Variants in SRFBP1 observed in about 807,000 individuals in gnomAD.
The protein encoded by SRFBP1 is serum response factor-binding protein 1.
SRFBP1 carries 47 observed loss-of-function variants against 45.5 expected under a neutral mutation model. That is an observed-to-expected ratio of 1.03 (90% CI 0.82 to 1.32). The LOEUF (loss-of-function observed/expected upper bound fraction) is 1.32, where lower values mean the gene tolerates loss of function less well. SRFBP1 is among the 40% of genes most tolerant of loss of function. SRFBP1 has a pLI of 0.00. For missense variants in SRFBP1, 621 were observed against 484.6 expected (o/e 1.28, Z -2.64); for synonymous variants, 203 against 166.3 (o/e 1.22, Z -1.70).
intron 3 of SRFBP1, among the ~76,000 whole-genome samples, chr5:121,990,591 G>C (rs1260782327): frequency 6.6e-6 from 1 of 152,062 alleles, no homozygotes; most frequent in Admixed American, 6.6e-5. Context: ...GGAAAAAAAG[G>C]AAATAGACAT....
intron 1 of SRFBP1, among the ~76,000 whole-genome samples, chr5:121,962,480 A>G (rs1751969153): frequency 6.6e-6 from 1 of 152,188 alleles, no homozygotes; most frequent in African/African-American, 2.4e-5. Flanking sequence ...TGAAAGAGAG[A>G]AAGTAAGAGC....
At chr5:121,979,807 C>A (rs1752372794) in intron 3 of SRFBP1, among the ~76,000 whole-genome samples, 1 of 152,122 alleles carries the variant, frequency 6.6e-6, no homozygotes, top group Non-Finnish European at 1.5e-5. Flanking sequence ...TACCTCATAT[C>A]AGAGAGCGTT....
At chr5:122,049,060 G>C (rs963198700) in intron 2 of SRFBP1, among the ~76,000 whole-genome samples, 4 of 151,998 alleles carry the variant, frequency 2.6e-5, no homozygotes, top group African/African-American at 4.8e-5. Flanking sequence ...GTTCTGCTCT[G>C]ATCTTAGTTA....
chr5:122,011,493 T>G (rs1223015806), intron 4 of SRFBP1, among the ~76,000 whole-genome samples: 1 of 152,154 alleles, frequency 6.6e-6, no homozygotes, highest in Non-Finnish European at 1.5e-5. Flanking sequence ...TTGAGATTAC[T>G]TAGTAGCCTT....
chr5:122,017,980 G>A (rs1753222730), intron 4 of SRFBP1, among the ~76,000 whole-genome samples: 1 of 152,108 alleles, frequency 6.6e-6, no homozygotes, highest in Admixed American at 6.5e-5. Flanking sequence ...CTGCTTTGCA[G>A]ATATGAAAAC....
At chr5:121,999,591 C>T (rs1189474941) in intron 4 of SRFBP1, among the ~76,000 whole-genome samples, 2 of 151,874 alleles carry the variant, frequency 1.3e-5, no homozygotes, top group Admixed American at 1.3e-4. Context: ...TCAGCTTTGT[C>T]ACTTTTTGCC....
chr5:121,983,873 C>T (rs551366024), intron 3 of SRFBP1, among the ~76,000 whole-genome samples: 4 of 151,776 alleles, frequency 2.6e-5, no homozygotes, highest in African/African-American at 9.6e-5. Context: ...TTATTGTTCT[C>T]CTGTTCAAGA....
intron 3 of SRFBP1, among the ~76,000 whole-genome samples, chr5:121,983,678 T>G (rs928310021): frequency 1.3e-5 from 2 of 151,738 alleles, no homozygotes; most frequent in African/African-American, 4.8e-5. Context: ...TGAAAATAAT[T>G]TATAGGCGAA....
intron 4 of SRFBP1, among the ~76,000 whole-genome samples, chr5:122,011,397 A>G (rs143441627): frequency 8.7e-4 from 133 of 152,234 alleles, no homozygotes; most frequent in Non-Finnish European, 1.5e-3. Flanking sequence ...CATTATGTCA[A>G]CTTTAAATAA....
intron 7 of SRFBP1, among the ~76,000 whole-genome samples, chr5:122,025,010 T>A (rs1753448540): frequency 6.6e-6 from 1 of 150,968 alleles, no homozygotes; most frequent in Admixed American, 6.8e-5. Flanking sequence ...GTGCACAACG[T>A]GCAGATTTGT....
chr5:121,976,182 T>C (rs1209561261), intron 3 of SRFBP1, among the ~76,000 whole-genome samples: 9 of 152,068 alleles, frequency 5.9e-5, no homozygotes, highest in African/African-American at 4.8e-5. Flanking sequence ...CCTTTCTTCC[T>C]TTTAAACGGA....
chr5:122,014,534 A>G (rs1753158430), intron 4 of SRFBP1, among the ~76,000 whole-genome samples: 1 of 152,074 alleles, frequency 6.6e-6, no homozygotes, highest in Non-Finnish European at 1.5e-5. Flanking sequence ...TGCAACATAA[A>G]AACACAGTTA....
intron 2 of SRFBP1, among the ~76,000 whole-genome samples, chr5:122,062,293 A>ACTGT (rs1754184103): frequency 6.6e-6 from 1 of 151,964 alleles, no homozygotes; most frequent in Non-Finnish European, 1.5e-5. Flanking sequence ...AGTATGGGGA[A>ACTGT]AGGTCTCTGA....
intron 5 of SRFBP1, 66 bp downstream of exon 5, chr5:122,019,407 C>T (rs1753255721): frequency 9.7e-6 from 12 of 1,242,378 alleles, no homozygotes; most frequent in Non-Finnish European, 1.3e-5. Context: ...AATGGCTATT[C>T]ACTTATTTTA....
At chr5:122,076,536 T>G (rs560792812), downstream of SRFBP1, among the ~76,000 whole-genome samples, 1 of 152,322 alleles carries the variant, frequency 6.6e-6, no homozygotes, top group East Asian at 1.9e-4. Flanking sequence ...TAACACACCC[T>G]TCCATTACAA....
At chr5:121,968,861 AT>A (rs1358701019) in intron 1 of SRFBP1, among the ~76,000 whole-genome samples, 1 of 144,356 alleles carries the variant, frequency 6.9e-6, no homozygotes, top group East Asian at 2.0e-4. Context: ...AAGTATTAGT[AT>A]TCTTAGAAAC....
intron 2 of SRFBP1, among the ~76,000 whole-genome samples, chr5:122,037,741 C>T (rs560227775): frequency 1.7e-4 from 26 of 151,854 alleles, no homozygotes; most frequent in Non-Finnish European, 3.7e-4. Context: ...TGATCTCAAA[C>T]GCCTGGCTTC....
At position 121,994,611 on chromosome 5, in the gene SRFBP1, G is replaced by A. The variant is rs373929913; in HGVS notation, c.211G>A (p.Asp71Asn). 6.3e-7 allele frequency: 1 copy of A among 1,595,782 alleles called. No homozygotes were observed. The highest frequency in any genetic ancestry group is 8.5e-7 in the Non-Finnish European group (1 of 1,172,346). ...TATTCTTTCACAGGAATTGAAACCT[G>A]ACATAGTAACTAAATCTGCTCTTGG... is the stretch of plus-strand genomic sequence containing the variant. ...EIHAMKELKPDIVTKSALGDD... is the reference protein window; with the variant it reads ...EIHAMKELKPNIVTKSALGDD... Residue 71 changes from aspartate (D) to asparagine (N), a missense_variant, in exon 4 of 8, where the codon GAC (aspartate) becomes AAC (asparagine). Physicochemically the swap from Asp to Asn is conservative, Grantham distance 23. Transcript: ENST00000339397.
At chr5:122,061,464 T>C (rs1191659043) in intron 2 of SRFBP1, among the ~76,000 whole-genome samples, 1 of 152,068 alleles carries the variant, frequency 6.6e-6, no homozygotes, top group African/African-American at 2.4e-5. Flanking sequence ...AAACAAATTA[T>C]TTGTAGCAAA....
Sources: gnomAD v4.1 joint callset for allele counts (sites outside exome capture counted in the v4.1 genomes callset) on GRCh38, gnomAD v4.1.1 for gene constraint, MANE v1.5 for transcripts, NCBI Gene and HGNC (gene_info 2026-07-23, HGNC 2026-07-21) for gene names.